PRKCB: variants seen among roughly 807,000 people sequenced by gnomAD.
PRKCB encodes protein kinase C beta type.
PRKCB carries 13 observed loss-of-function variants against 81.5 expected under a neutral mutation model. The ratio of observed to expected loss-of-function variants is 0.16; its 90% CI spans 0.10 to 0.25. PRKCB has a LOEUF of 0.25. Ranked by LOEUF, PRKCB falls within the 10% of genes least tolerant of loss-of-function variation. The pLI, the probability that PRKCB is intolerant of heterozygous loss-of-function variation, is 1.00. For missense variants in PRKCB, 509 were observed against 875.7 expected (o/e 0.58, Z 5.29); for synonymous variants, 335 against 321.4 (o/e 1.04, Z -0.45).
At chr16:23,849,594 A>C (rs727797) in intron 2 of PRKCB, among the ~76,000 whole-genome samples, 120,012 of 152,026 alleles carry the variant, frequency 0.79, 47,572 homozygotes, top group East Asian at 0.94. Flanking sequence ...TGTTTCTGAG[A>C]CAAACAGTGC....
At chr16:23,928,179 G>A (rs992472962) in intron 2 of PRKCB, among the ~76,000 whole-genome samples, 1 of 151,988 alleles carries the variant, frequency 6.6e-6, no homozygotes, top group Non-Finnish European at 1.5e-5. Context: ...AGGCTGGAGT[G>A]CAATGGCATG....
chr16:24,170,138 G>C (rs1306430030), intron 10 of PRKCB, among the ~76,000 whole-genome samples: 1 of 152,024 alleles, frequency 6.6e-6, no homozygotes, highest in Non-Finnish European at 1.5e-5. Flanking sequence ...TGCCTTTTCT[G>C]TGTCTACTTG....
rs569094611 is a variant in PRKCB, at chr16:23,969,884, G to C, written c.206-18624G>C. ...TGATAGGTGTGTGTGTGTGTACGTG[G>C]GGAAGGGTGGGCTTGTGCCTGACTC... On this transcript the variant is annotated intron_variant, in intron 2 of 16. Coordinates refer to ENST00000643927, the MANE Select transcript of PRKCB (RefSeq NM_002738.7). Among the ~76,000 whole-genome samples the C allele has an allele frequency of 3.3e-5, 5 of 152,224 alleles. No individual in the cohort carries two copies. In the East Asian group the frequency reaches 9.7e-4, roughly 29 times the overall value.
At chr16:23,855,255 G>T (rs1172786751) in intron 2 of PRKCB, among the ~76,000 whole-genome samples, 1 of 152,090 alleles carries the variant, frequency 6.6e-6, no homozygotes, top group African/African-American at 2.4e-5. Flanking sequence ...TGCGGATGAG[G>T]TCTGATGACT....
At position 24,035,499 on chromosome 16, in the gene PRKCB, C is replaced by T. The variant is rs1309122797; in HGVS notation, c.481C>T (p.Arg161Cys). ...CACGGACCACACGGAGCGCCGCGGC[C>T]GCATCTACATCCAGGCCCACATCGA... is the stretch of plus-strand genomic sequence containing the variant. Reference protein sequence around the residue: ...CGTDHTERRGRIYIQAHIDRD... With the variant: ...CGTDHTERRGCIYIQAHIDRD... Residue 161 changes from arginine to cysteine, a missense_variant, in exon 5 of 17, where the codon CGC becomes TGC. By Grantham distance (180) the Arg-to-Cys change is radical. Around this residue, in one of 6 missense-constraint regions of PRKCB, gnomAD observed 184 missense variants for 362.9 expected, o/e 0.51. Transcript: ENST00000643927. 1.9e-6 allele frequency: 3 copies of T among 1,614,054 alleles called. No homozygotes were observed. The highest frequency in any genetic ancestry group is 1.3e-5 in the African/African-American group (1 of 74,916).
rs1002872729 is a variant in PRKCB at position 24,185,140 on chromosome 16, C to T, written c.1563C>T (p.Ser521=). 5.6e-6 allele frequency: 9 copies of T among 1,613,916 alleles called. No homozygotes were observed. Among genetic ancestry groups the T allele is most frequent in the African/African-American group, 2.7e-5 (2 of 74,912 alleles). ...TTGCTTATCAGCCCTATGGGAAGTCCGTGGATTGGTGGGCATTTGGAGTCC... is the reference window on the plus strand; with the variant it reads ...TTGCTTATCAGCCCTATGGGAAGTCTGTGGATTGGTGGGCATTTGGAGTCC... The part of the protein sequence containing the change: ...EIIAYQPYGK[S]VDWWAFGVLL... Residue 521 remains serine, a synonymous_variant, in exon 14 of 17, where the codon TCC becomes TCT. Transcript: ENST00000643927.
intron 8 of PRKCB, among the ~76,000 whole-genome samples, chr16:24,120,196 G>T (rs1453239800): frequency 6.6e-6 from 1 of 152,168 alleles, no homozygotes; most frequent in Non-Finnish European, 1.5e-5. Flanking sequence ...TAGTGGCGGG[G>T]GTTGCGGGGG....
Position 24,112,535 on chromosome 16 carries a change from C to T in PRKCB, c.822-438C>T, listed in dbSNP as rs114821896. Among the ~76,000 whole-genome samples, 320 of 152,082 alleles carry T rather than the reference C, an allele frequency of 2.1e-3. 1 individual carries two copies. The highest frequency in any genetic ancestry group is 7.6e-3 in the African/African-American group (315 of 41,390). Reference sequence around the variant, plus strand: ...CCTGGGTGACAGAGTGAGACCCTATCTCTAAAAGCAACAACAACAATAACA... The same window carrying T: ...CCTGGGTGACAGAGTGAGACCCTATTTCTAAAAGCAACAACAACAATAACA... On this transcript the variant is annotated intron_variant, in intron 7 of 16. Coordinates refer to ENST00000643927, the MANE Select transcript of PRKCB (RefSeq NM_002738.7).
chr16:23,863,146 GTA>G (rs1021350257), intron 2 of PRKCB, among the ~76,000 whole-genome samples: 3 of 144,144 alleles, frequency 2.1e-5, no homozygotes, highest in Admixed American at 7.0e-5. Context: ...ATGTGTATGT[GTA>G]TATATATACA....
chr16:24,086,869 A>G (rs1433396579), intron 5 of PRKCB, among the ~76,000 whole-genome samples: 2 of 152,066 alleles, frequency 1.3e-5, no homozygotes, highest in African/African-American at 2.4e-5. Flanking sequence ...ATTTTACTGT[A>G]CCTTTCTTTT....
intron 3 of PRKCB, among the ~76,000 whole-genome samples, chr16:24,003,394 T>C (rs1290265832): frequency 6.6e-6 from 1 of 151,818 alleles, no homozygotes; most frequent in African/African-American, 2.4e-5. Flanking sequence ...TCGTTTTTTT[T>C]TTTTTTTTGA....
chr16:24,185,321 A>G, intron 14 of PRKCB, 130 bp downstream of exon 14: 7 of 1,200,616 alleles, frequency 5.8e-6, no homozygotes, highest in Non-Finnish European at 8.4e-6. Flanking sequence ...CCTTGGGGTC[A>G]TACAAGTCTG....
chr16:23,976,334 T>C (rs1964625325), intron 2 of PRKCB, among the ~76,000 whole-genome samples: 1 of 152,120 alleles, frequency 6.6e-6, no homozygotes, highest in African/African-American at 2.4e-5. Flanking sequence ...CAAAAACGGA[T>C]GGCAGATGCA....
At chr16:24,193,357 A>G (rs978493185) in intron 16 of PRKCB, among the ~76,000 whole-genome samples, 4 of 151,878 alleles carry the variant, frequency 2.6e-5, no homozygotes, top group African/African-American at 9.7e-5. Context: ...AGGCAGGAGA[A>G]TCACTTGAAC....
At chr16:23,837,526 A>T (rs1962186895) in intron 2 of PRKCB, 120 bp downstream of exon 2, 1 of 1,277,718 alleles carries the variant, frequency 7.8e-7, no homozygotes, top group Admixed American at 2.4e-5. Context: ...GTGACCTCCC[A>T]GGCTAGGAAT....
At chr16:23,905,042 C>CT (rs1227867693) in intron 2 of PRKCB, among the ~76,000 whole-genome samples, 12 of 110,234 alleles carry the variant, frequency 1.1e-4, no homozygotes, top group South Asian at 8.9e-4. Context: ...CTTTTTTTTT[C>CT]TTTTTTTTTT....
chr16:23,984,922 CAG>C (rs1214484729), intron 2 of PRKCB, among the ~76,000 whole-genome samples: 1 of 151,956 alleles, frequency 6.6e-6, no homozygotes, highest in Non-Finnish European at 1.5e-5. Flanking sequence ...GGAACTACGA[CAG>C]GGGGAAAAGA....
chr16:24,094,856 G>A (rs11646034), intron 7 of PRKCB, among the ~76,000 whole-genome samples: 9 of 141,128 alleles, frequency 6.4e-5, no homozygotes, highest in Admixed American at 1.5e-4. Context: ...AGGAAGGAAA[G>A]GAAGAAAAAG....
chr16:24,146,352 A>G (rs1219494730), intron 9 of PRKCB, among the ~76,000 whole-genome samples: 1 of 152,220 alleles, frequency 6.6e-6, no homozygotes, highest in East Asian at 1.9e-4. Context: ...TTTGCCATGC[A>G]CAGTGCTAAG....
Sources: allele counts gnomAD v4.1 joint callset (sites outside exome capture counted in the v4.1 genomes callset), GRCh38; gene constraint gnomAD v4.1.1; regional missense constraint gnomAD v4.1.1; transcripts MANE v1.5; gene names NCBI Gene and HGNC (gene_info 2026-07-23, HGNC 2026-07-21).